The following NETO1 variants were observed in gnomAD, a reference collection of about 807,000 sequenced individuals.
NETO1 encodes neuropilin and tolloid like 1, also known as neuropilin and tolloid-like protein 1.
A neutral mutation model predicts 61.3 loss-of-function variants in NETO1; 26 were observed. The ratio of observed to expected loss-of-function variants is 0.42; its 90% CI spans 0.31 to 0.59. The LOEUF (loss-of-function observed/expected upper bound fraction) is 0.59. Among genes scored for constraint, NETO1 ranks in the 20% least tolerant of loss-of-function variants. NETO1 has a pLI of 0.12. For synonymous variants in NETO1, 225 were observed against 225.8 expected (o/e 1.00, Z 0.03); for missense variants, 531 against 662.8 (o/e 0.80, Z 2.18).
In NETO1 at chr18:72,844,878, G is replaced by A. The variant is rs58996436; in HGVS notation, c.469+13948C>T. ...GATGGAGCTGTGGCTACGTGAGCACGTCACACACCTCATCCATCCTGAGGA... is the reference window on the plus strand; with the variant it reads ...GATGGAGCTGTGGCTACGTGAGCACATCACACACCTCATCCATCCTGAGGA... On this transcript the variant is annotated intron_variant, in intron 4 of 10. Transcript: ENST00000327305. Among the ~76,000 whole-genome samples the A allele has an allele frequency of 8.3e-3, 1,262 of 152,314 alleles. 16 individuals are homozygous for A. Among genetic ancestry groups the A allele is most frequent in the African/African-American group, 0.028 (1,178 of 41,578 alleles).
chr18:72,864,312 T>A (rs1394889962), intron 3 of NETO1, among the ~76,000 whole-genome samples: 1 of 152,226 alleles, frequency 6.6e-6, no homozygotes, highest in Non-Finnish European at 1.5e-5. Context: ...CAAAATGAGA[T>A]GTCACTTGTT....
In NETO1 at chr18:72,867,407, G is replaced by A. The variant is rs1712276169; in HGVS notation, c.-116C>T. The A allele has an allele frequency of 4.4e-6, 3 of 680,252 alleles. No individual in the cohort carries two copies. The South Asian group carries it at 9.6e-5, about 22-fold the overall frequency. The allele number at this position is 680,252 out of a possible 1,614,324, so 42.1% of individuals were successfully genotyped here. A position where few individuals can be genotyped will look rare whatever the true frequency, so the allele number is the denominator to read the frequency against. On this transcript the variant is annotated 5_prime_UTR_variant, in exon 1 of 11. Coordinates refer to ENST00000327305, the MANE Select transcript of NETO1 (RefSeq NM_138966.5). Reference sequence around the variant, plus strand: ...GGTGTTAAAGACGCAAAGCAAGAAGGAAATAAAGGGGGGCCGAGAGGGAGA... The same window carrying A: ...GGTGTTAAAGACGCAAAGCAAGAAGAAAATAAAGGGGGGCCGAGAGGGAGA...
chr18:72,861,303 A>G (rs1331391182), intron 3 of NETO1, among the ~76,000 whole-genome samples: 1 of 152,244 alleles, frequency 6.6e-6, no homozygotes, highest in Non-Finnish European at 1.5e-5. Context: ...TGAAACCTAC[A>G]TAGCTGAATT....
At chr18:72,827,464 C>A (rs1440524799) in intron 4 of NETO1, among the ~76,000 whole-genome samples, 1 of 152,152 alleles carries the variant, frequency 6.6e-6, no homozygotes, top group Non-Finnish European at 1.5e-5. Flanking sequence ...GAACTCACAG[C>A]AAGGGGCCAG....
intron 4 of NETO1, among the ~76,000 whole-genome samples, chr18:72,817,792 T>C (rs1035541230): frequency 2.6e-5 from 4 of 152,248 alleles, no homozygotes; most frequent in Non-Finnish European, 5.9e-5. Flanking sequence ...TCTCTGTCTG[T>C]TTCTGTCTGT....
chr18:72,810,318 G>C (rs536810147), intron 4 of NETO1, among the ~76,000 whole-genome samples: 1 of 152,316 alleles, frequency 6.6e-6, no homozygotes, highest in South Asian at 2.1e-4. Context: ...GAAAATGGAA[G>C]TAATCATGTC....
intron 4 of NETO1, among the ~76,000 whole-genome samples, chr18:72,833,144 G>A (rs1452099565): frequency 6.6e-6 from 1 of 152,136 alleles, no homozygotes; most frequent in Non-Finnish European, 1.5e-5. Context: ...TGTAATCATC[G>A]GTAGAACTGG....
intron 4 of NETO1, among the ~76,000 whole-genome samples, chr18:72,799,764 C>A (rs1230604488): frequency 6.6e-6 from 1 of 152,236 alleles, no homozygotes; most frequent in Non-Finnish European, 1.5e-5. Context: ...AGATGGCTTT[C>A]CCAATGTAGA....
At chr18:72,859,462 T>C (rs965888289) in intron 3 of NETO1, among the ~76,000 whole-genome samples, 3 of 152,220 alleles carry the variant, frequency 2.0e-5, no homozygotes, top group African/African-American at 7.2e-5. Flanking sequence ...CACTTGAGAA[T>C]TGTTTGGCAT....
At chr18:72,839,255 A>C (rs986293425) in intron 4 of NETO1, among the ~76,000 whole-genome samples, 2 of 152,196 alleles carry the variant, frequency 1.3e-5, no homozygotes, top group African/African-American at 4.8e-5. Flanking sequence ...AGTTATAAAG[A>C]GTGGGTTTGG....
intron 4 of NETO1, among the ~76,000 whole-genome samples, chr18:72,833,732 C>G (rs2073653968): frequency 6.6e-6 from 1 of 152,108 alleles, no homozygotes; most frequent in Non-Finnish European, 1.5e-5. Context: ...TTTTGTCGTG[C>G]ATATATCCGC....
At chr18:72,863,800 CTG>C (rs200750763) in intron 3 of NETO1, among the ~76,000 whole-genome samples, 5 of 151,552 alleles carry the variant, frequency 3.3e-5, no homozygotes, top group Admixed American at 6.6e-5. Context: ...ACAGTCTTGC[CTG>C]TGTGTGTGTG....
chr18:72,858,153 T>C (rs559961726), intron 4 of NETO1, among the ~76,000 whole-genome samples: 29 of 152,312 alleles, frequency 1.9e-4, no homozygotes, highest in Middle Eastern at 3.4e-3. Flanking sequence ...CCTATTTTTA[T>C]TGTAATGAAT....
At position 72,828,090 on chromosome 18, in the gene NETO1, A is replaced by T. The variant is rs2073444428; in HGVS notation, c.469+30736T>A. Among the ~76,000 whole-genome samples the T allele has an allele frequency of 3.3e-5, 5 of 152,180 alleles. 1 individual carries two copies. Among genetic ancestry groups the T allele is most frequent in the Admixed American group, 3.3e-4 (5 of 15,282 alleles). ...CACTTTGTGAGGCCAAGGCCAGCGG[A>T]TCACCTGAGCTCAGGAGTTCGAGAC... On this transcript the variant is annotated intron_variant, in intron 4 of 10. Transcript: ENST00000327305.
chr18:72,834,234 TAA>T, intron 4 of NETO1: 3 of 697,196 alleles, frequency 4.3e-6, no homozygotes, highest in Non-Finnish European at 5.3e-6. Flanking sequence ...AATTGCAAAA[TAA>T]GTTTTAACTA....
intron 4 of NETO1, among the ~76,000 whole-genome samples, chr18:72,818,122 T>A (rs980324321): frequency 6.6e-6 from 1 of 152,200 alleles, no homozygotes; most frequent in African/African-American, 2.4e-5. Flanking sequence ...CAGTAGTTAC[T>A]ATTAATCAAA....
At chr18:72,758,108 C>T (rs914693228) in intron 7 of NETO1, among the ~76,000 whole-genome samples, 1 of 151,986 alleles carries the variant, frequency 6.6e-6, no homozygotes, top group Non-Finnish European at 1.5e-5. Flanking sequence ...TTCTGGTAAT[C>T]GAGTGAAGTG....
At chr18:72,862,622 C>CTTTTTTTTTTTT (rs11453772) in intron 3 of NETO1, among the ~76,000 whole-genome samples, 1 of 122,402 alleles carries the variant, frequency 8.2e-6, no homozygotes. Context: ...CTTTTTTTTT[C>CTTTTTTTTTTTT]TTTTTTTTTT....
At chr18:72,847,744 A>T (rs1361705419) in intron 4 of NETO1, among the ~76,000 whole-genome samples, 1 of 152,352 alleles carries the variant, frequency 6.6e-6, no homozygotes, top group East Asian at 1.9e-4. Flanking sequence ...TTTGGAACGA[A>T]GGTATTTTCA....
Sources: allele counts gnomAD v4.1 joint callset (sites outside exome capture counted in the v4.1 genomes callset), GRCh38; gene constraint gnomAD v4.1.1; transcripts MANE v1.5; gene names NCBI Gene and HGNC (gene_info 2026-07-23, HGNC 2026-07-21).